Variants in OR6N1 observed in about 807,000 individuals in gnomAD.
OR6N1 encodes the protein olfactory receptor family 6 subfamily N member 1.
For missense variants in OR6N1, 394 were observed against 371.7 expected, an observed-to-expected ratio of 1.06 and a Z score of -0.49; for synonymous variants, 170 against 150.7, an observed-to-expected ratio of 1.13 and a Z score of -0.94.
chr1:158,818,911 T>C, the OR6N1 span, among the ~76,000 whole-genome samples: 3 of 152,254 alleles, frequency 2.0e-5, no homozygotes, highest in South Asian at 6.2e-4. Context: ...GCTAGACTTA[T>C]CCAATGAGGC....
At chr1:158,768,198 A>G (rs1241315289) in intron 1 of OR6N1, among the ~76,000 whole-genome samples, 2 of 151,296 alleles carry the variant, frequency 1.3e-5, no homozygotes. Flanking sequence ...GCTCTATACC[A>G]TCCAATACCA....
chr1:158,829,292 C>T, the OR6N1 span, among the ~76,000 whole-genome samples: 1 of 152,154 alleles, frequency 6.6e-6, no homozygotes, highest in Non-Finnish European at 1.5e-5. Context: ...AATTTTTATG[C>T]TCTGTTTCCC....
chr1:158,766,809 A>G, intron 1 of OR6N1, 109 bp from the exon 2 acceptor site: 1 of 666,814 alleles, frequency 1.5e-6, no homozygotes, highest in Non-Finnish European at 2.5e-6. Flanking sequence ...TCCAGAGTAA[A>G]GCCCTCTAAG....
chr1:158,785,317 A>G, the OR6N1 span, among the ~76,000 whole-genome samples: 3 of 152,096 alleles, frequency 2.0e-5, no homozygotes, highest in Non-Finnish European at 4.4e-5. Context: ...TTATTCCGTC[A>G]TCTTCCTTCT....
the OR6N1 span, among the ~76,000 whole-genome samples, chr1:158,838,622 T>C: frequency 6.6e-6 from 1 of 152,148 alleles, no homozygotes; most frequent in Non-Finnish European, 1.5e-5. Context: ...GTACATTTAG[T>C]CTTTTCTCAA....
At chr1:158,816,855 A>T in the OR6N1 span, among the ~76,000 whole-genome samples, 1 of 152,238 alleles carries the variant, frequency 6.6e-6, no homozygotes, top group Non-Finnish European at 1.5e-5. Context: ...TAATCATAGG[A>T]TCAAAACTCC....
the OR6N1 span, among the ~76,000 whole-genome samples, chr1:158,823,361 C>T: frequency 2.6e-5 from 4 of 151,962 alleles, no homozygotes; most frequent in Non-Finnish European, 5.9e-5. Context: ...GCTTGGTAGG[C>T]TTTTTATTAC....
upstream of OR6N1, chr1:158,772,327 A>G (rs1021874247): frequency 6.6e-6 from 1 of 152,218 alleles, no homozygotes; most frequent in Non-Finnish European, 1.5e-5. Flanking sequence ...GTGCTCTCTC[A>G]GGAAGGGAAC....
At chr1:158,799,497 G>T in the OR6N1 span, among the ~76,000 whole-genome samples, 1 of 152,184 alleles carries the variant, frequency 6.6e-6, no homozygotes, top group African/African-American at 2.4e-5. Flanking sequence ...GGTAAGGAGG[G>T]TGAAAACTCA....
upstream of OR6N1, chr1:158,777,055 GC>G (rs1446742455): frequency 1.2e-6 from 2 of 1,614,142 alleles, no homozygotes; most frequent in African/African-American, 2.7e-5. Flanking sequence ...CAGAATGTTA[GC>G]AGATGTGTCC....
chr1:158,837,145 T>C, the OR6N1 span, among the ~76,000 whole-genome samples: 2 of 151,908 alleles, frequency 1.3e-5, no homozygotes. Context: ...ATGTTCCATA[T>C]GTTCGTGTGA....
chr1:158,778,877 G>T, the OR6N1 span, among the ~76,000 whole-genome samples: 1 of 151,932 alleles, frequency 6.6e-6, no homozygotes, highest in Non-Finnish European at 1.5e-5. Context: ...AATCAGCCGG[G>T]CGTGGTGGCG....
At chr1:158,798,587 A>G in the OR6N1 span, among the ~76,000 whole-genome samples, 1 of 151,928 alleles carries the variant, frequency 6.6e-6, no homozygotes, top group Non-Finnish European at 1.5e-5. Context: ...GGTCTATATT[A>G]TATTAATATT....
rs1657195087 is a variant in OR6N1 at position 158,764,618 on chromosome 1, A to C, written c.*1126T>G. The C allele has an allele frequency of 6.6e-6, 1 of 152,118 alleles. No homozygotes were observed. The highest frequency in any genetic ancestry group is 1.5e-5 in the Non-Finnish European group (1 of 67,970). 9.4% of individuals were successfully genotyped at this position (152,118 alleles called of 1,614,324 possible). Reference sequence around the variant, plus strand: ...TAGAATTCAAAGATTTCTTGTAGTTAATATTTGATCCTCCATTCATGGAAG... The same window carrying C: ...TAGAATTCAAAGATTTCTTGTAGTTCATATTTGATCCTCCATTCATGGAAG... On this transcript the variant is annotated 3_prime_UTR_variant, in exon 2 of 2. Coordinates refer to ENST00000641846, the MANE Select transcript of OR6N1 (RefSeq NM_001005185.2).
At chr1:158,823,648 CA>C in the OR6N1 span, among the ~76,000 whole-genome samples, 80 of 144,578 alleles carry the variant, frequency 5.5e-4, no homozygotes, top group East Asian at 1.8e-3. Context: ...TTATTTATTT[CA>C]AAAAAAAAAC....
At chr1:158,778,993 T>C in the OR6N1 span, among the ~76,000 whole-genome samples, 7,696 of 125,382 alleles carry the variant, frequency 0.061, 241 homozygotes, top group East Asian at 0.15. Flanking sequence ...CACTCCAGCC[T>C]GGGCGACAGT....
chr1:158,832,630 T>G, the OR6N1 span, among the ~76,000 whole-genome samples: 41 of 151,614 alleles, frequency 2.7e-4, no homozygotes, highest in African/African-American at 9.9e-4. Flanking sequence ...TTATATCTTT[T>G]TCCAAGTTGC....
chr1:158,783,763 C>A, the OR6N1 span, among the ~76,000 whole-genome samples: 1 of 152,032 alleles, frequency 6.6e-6, no homozygotes, highest in African/African-American at 2.4e-5. Flanking sequence ...CTATTATTTT[C>A]TTTGCACAAA....
the OR6N1 span, among the ~76,000 whole-genome samples, chr1:158,778,098 G>T: frequency 1.3e-5 from 2 of 152,180 alleles, no homozygotes; most frequent in Admixed American, 1.3e-4. Context: ...AAGACTTAAA[G>T]AGTGAATTTT....
Sources: gnomAD v4.1 joint callset for allele counts (sites outside exome capture counted in the v4.1 genomes callset) on GRCh38, gnomAD v4.1.1 for gene constraint, MANE v1.5 for transcripts, NCBI Gene and HGNC (gene_info 2026-07-23, HGNC 2026-07-21) for gene names.